FOXO3: variants seen among roughly 807,000 people sequenced by gnomAD.
FOXO3 encodes forkhead box O3.
In FOXO3, 4 loss-of-function variants were observed where a neutral mutation model predicts 41.9. The ratio of observed to expected loss-of-function variants is 0.10; its 90% CI spans 0.05 to 0.22. The LOEUF is 0.22. FOXO3 is among the 10% of genes least tolerant of loss of function. The pLI, the probability that FOXO3 is intolerant of heterozygous loss-of-function variation, is 1.00. For synonymous variants in FOXO3, 318 were observed against 389.3 expected, an observed-to-expected ratio of 0.82 and a Z score of 2.16; for missense variants, 534 against 906.8, an observed-to-expected ratio of 0.59 and a Z score of 5.28.
At chr6:108,568,977 C>T (rs1305921822) in intron 1 of FOXO3, among the ~76,000 whole-genome samples, 2 of 152,196 alleles carry the variant, frequency 1.3e-5, no homozygotes, top group Admixed American at 6.5e-5. Context: ...TGTAAACCCG[C>T]TATTTGTATC....
chr6:108,601,531 C>T (rs999489229), intron 1 of FOXO3, among the ~76,000 whole-genome samples: 7 of 151,984 alleles, frequency 4.6e-5, no homozygotes, highest in East Asian at 3.9e-4. Context: ...CTTAAACTCC[C>T]GATCTCAGGT....
At chr6:108,630,682 C>G (rs1777945041) in intron 1 of FOXO3, among the ~76,000 whole-genome samples, 1 of 152,128 alleles carries the variant, frequency 6.6e-6, no homozygotes, top group African/African-American at 2.4e-5. Context: ...CCTCCTTTCT[C>G]TAAGTTGTCT....
intron 1 of FOXO3, among the ~76,000 whole-genome samples, chr6:108,602,939 AG>A (rs1173772622): frequency 6.6e-6 from 1 of 152,200 alleles, no homozygotes; most frequent in African/African-American, 2.4e-5. Flanking sequence ...TAACTTTGAA[AG>A]GAATAAGATA....
chr6:108,561,908 G>A lies in FOXO3; in HGVS notation c.621+79G>A, dbSNP rs1476394782. The A allele has an allele frequency of 4.8e-6, 7 of 1,471,782 alleles. No homozygotes were observed. In the East Asian group the frequency reaches 1.1e-4, roughly 22 times the overall value. 91.2% of individuals were successfully genotyped at this position (1,471,782 alleles called of 1,614,324 possible). ...CGAGACGCGTCTCGGATTCGTCGGA[G>A]TGCGCTTGCGGGCTCCAGGGCAAGG... On this transcript the variant is annotated intron_variant, in intron 1 of 2. Coordinates refer to ENST00000406360, the MANE Select transcript of FOXO3 (RefSeq NM_001455.4).
chr6:108,661,028 C>G (rs1049872897), intron 1 of FOXO3, among the ~76,000 whole-genome samples: 1 of 151,954 alleles, frequency 6.6e-6, no homozygotes, highest in Non-Finnish European at 1.5e-5. Context: ...CCACTGCACT[C>G]CAACCTGGGC....
intron 1 of FOXO3, among the ~76,000 whole-genome samples, chr6:108,654,066 C>T (rs565819591): frequency 6.6e-5 from 10 of 152,232 alleles, no homozygotes; most frequent in African/African-American, 1.2e-4. Context: ...GCTGACTGCA[C>T]GCCTTTAGAT....
At chr6:108,639,509 T>C in intron 1 of FOXO3, 1 of 983,728 alleles carries the variant, frequency 1.0e-6, no homozygotes, top group Non-Finnish European at 1.2e-6. Flanking sequence ...TTCCCTGGGA[T>C]GAAAAACCCT....
At chr6:108,633,315 G>C (rs1029401942) in intron 1 of FOXO3, among the ~76,000 whole-genome samples, 1 of 152,020 alleles carries the variant, frequency 6.6e-6, no homozygotes, top group African/African-American at 2.4e-5. Flanking sequence ...GGGAATGTGG[G>C]TATGAAAGTG....
At position 108,611,825 on chromosome 6, in the gene FOXO3, T is replaced by G. The variant is rs559358967; in HGVS notation, c.621+49996T>G. ...TTCTTGTTTGTGGATTGCTTATTCATTTTGTTAACAGTGTCCTAACAACTA... is the reference window on the plus strand; with the variant it reads ...TTCTTGTTTGTGGATTGCTTATTCAGTTTGTTAACAGTGTCCTAACAACTA... On this transcript the variant is annotated intron_variant, in intron 1 of 2. Coordinates refer to ENST00000406360, the MANE Select transcript of FOXO3 (RefSeq NM_001455.4). 2.6e-5 allele frequency among the ~76,000 whole-genome samples: 4 copies of G among 152,294 alleles called. No individual in the cohort carries two copies. The South Asian group carries it at 8.3e-4, about 32-fold the overall frequency.
chr6:108,673,432 C>T (rs959760170), intron 2 of FOXO3, among the ~76,000 whole-genome samples: 5 of 152,234 alleles, frequency 3.3e-5, no homozygotes, highest in African/African-American at 1.2e-4. Flanking sequence ...CTCTCAGTTC[C>T]TCTGTGGCAC....
chr6:108,589,456 C>T (rs1322834050), intron 1 of FOXO3, among the ~76,000 whole-genome samples: 1 of 152,230 alleles, frequency 6.6e-6, no homozygotes. Context: ...ACAAACACTC[C>T]TGCCAGCATT....
intron 2 of FOXO3, among the ~76,000 whole-genome samples, chr6:108,674,724 C>G (rs1770515644): frequency 6.6e-6 from 1 of 152,078 alleles, no homozygotes; most frequent in South Asian, 2.1e-4. Context: ...AGGGTTTGTT[C>G]CCAGAAGCAG....
In FOXO3 at chr6:108,664,162, A is replaced by G. The variant is rs1562263961; in HGVS notation, c.1329A>G (p.Leu443=). 1 of 1,613,742 alleles carries G rather than the reference A, an allele frequency of 6.2e-7. No homozygotes were observed. The highest frequency in any genetic ancestry group is 1.7e-5 in the Admixed American group (1 of 59,994). Residue 443 remains leucine, a synonymous_variant, in exon 2 of 3, where the codon CTA becomes CTG. Transcript: ENST00000406360. ...TVFGPSSLNS[L]RQSPMQTIQE... ...TCGGACCTTCATCTCTGAACTCCCTACGCCAGTCTCCCATGCAGACCATCC... is the reference window on the plus strand; with the variant it reads ...TCGGACCTTCATCTCTGAACTCCCTGCGCCAGTCTCCCATGCAGACCATCC...
intron 1 of FOXO3, among the ~76,000 whole-genome samples, chr6:108,594,339 T>A (rs1381594204): frequency 6.6e-6 from 1 of 152,232 alleles, no homozygotes; most frequent in Non-Finnish European, 1.5e-5. Context: ...AGTTGTAGAA[T>A]AAAAGGTTGA....
chr6:108,665,522 A>T (rs1293841400), intron 2 of FOXO3, among the ~76,000 whole-genome samples: 1 of 152,194 alleles, frequency 6.6e-6, no homozygotes, highest in African/African-American at 2.4e-5. Flanking sequence ...TCAAGAGCTA[A>T]ACCTTTAAAA....
intron 2 of FOXO3, among the ~76,000 whole-genome samples, chr6:108,674,453 C>T (rs916867952): frequency 6.6e-6 from 1 of 152,168 alleles, no homozygotes; most frequent in African/African-American, 2.4e-5. Flanking sequence ...GTAGTAGGTG[C>T]TCCATAAGTG....
At chr6:108,640,028 G>A (rs1378318929) in intron 1 of FOXO3, among the ~76,000 whole-genome samples, 2 of 152,190 alleles carry the variant, frequency 1.3e-5, no homozygotes, top group Non-Finnish European at 2.9e-5. Context: ...ATAAAAGACA[G>A]CTCTGTTTTT....
At chr6:108,668,006 C>T (rs1470536211) in intron 2 of FOXO3, among the ~76,000 whole-genome samples, 3 of 152,208 alleles carry the variant, frequency 2.0e-5, no homozygotes, top group Non-Finnish European at 4.4e-5. Flanking sequence ...ACTGTCACTT[C>T]ATTGAAGACT....
intron 1 of FOXO3, chr6:108,617,977 G>A (rs2128371749): frequency 1.8e-6 from 1 of 564,856 alleles, no homozygotes. Flanking sequence ...CAGAGTTCTG[G>A]AATGAAGAAG....
Sources: allele counts gnomAD v4.1 joint callset (sites outside exome capture counted in the v4.1 genomes callset), GRCh38; gene constraint gnomAD v4.1.1; transcripts MANE v1.5; gene names NCBI Gene and HGNC (gene_info 2026-07-23, HGNC 2026-07-21).